CADPS2: variants seen among roughly 807,000 people sequenced by gnomAD.
CADPS2 encodes the protein calcium dependent secretion activator 2.
Under a neutral mutation model 172.5 loss-of-function variants are expected in CADPS2, and 93 were observed. The ratio of observed to expected loss-of-function variants is 0.54; its 90% CI spans 0.46 to 0.64. CADPS2 has a LOEUF of 0.64. Ranked by LOEUF, CADPS2 falls within the 30% of genes least tolerant of loss-of-function variation. The pLI is 0.00. For missense variants in CADPS2, 1,420 were observed against 1,565.9 expected, an observed-to-expected ratio of 0.91 and a Z score of 1.57; for synonymous variants, 546 against 555.2, an observed-to-expected ratio of 0.98 and a Z score of 0.23.
At chr7:122,619,887 G>A (rs1045709307) in intron 5 of CADPS2, among the ~76,000 whole-genome samples, 8 of 152,100 alleles carry the variant, frequency 5.3e-5, no homozygotes, top group Admixed American at 2.0e-4. Context: ...AAAGTCATTA[G>A]GTAAGCCCAG....
At chr7:122,626,167 T>C (rs1027508473) in intron 4 of CADPS2, among the ~76,000 whole-genome samples, 8 of 147,724 alleles carry the variant, frequency 5.4e-5, no homozygotes, top group Non-Finnish European at 1.2e-4. Context: ...TTGCAGGCCA[T>C]TTTAGGAACT....
At chr7:122,629,190 C>G in intron 4 of CADPS2, 58 bp downstream of exon 4, 1 of 1,359,884 alleles carries the variant, frequency 7.4e-7, no homozygotes, top group Non-Finnish European at 1.0e-6. Flanking sequence ...TTTTTCAGCT[C>G]ACAGAAATCT....
At chr7:122,535,611 T>G (rs1419177851) in intron 8 of CADPS2, among the ~76,000 whole-genome samples, 1 of 152,122 alleles carries the variant, frequency 6.6e-6, no homozygotes, top group Non-Finnish European at 1.5e-5. Flanking sequence ...AGAATTATCC[T>G]ATTGATATTG....
intron 1 of CADPS2, among the ~76,000 whole-genome samples, chr7:122,823,282 A>G (rs1475278981): frequency 6.6e-6 from 1 of 152,100 alleles, no homozygotes; most frequent in Non-Finnish European, 1.5e-5. Context: ...TTTTAGGGGG[A>G]AAAAATCTTC....
intron 1 of CADPS2, among the ~76,000 whole-genome samples, chr7:122,830,065 A>G (rs567338330): frequency 6.6e-6 from 1 of 152,024 alleles, no homozygotes; most frequent in African/African-American, 2.4e-5. Context: ...CACTGTTTCA[A>G]GGAGAGAAAA....
At chr7:122,589,276 G>A (rs1489794274) in intron 6 of CADPS2, among the ~76,000 whole-genome samples, 2 of 151,746 alleles carry the variant, frequency 1.3e-5, no homozygotes, top group Admixed American at 1.3e-4. Flanking sequence ...AACAACCTCT[G>A]AAAATTGGGA....
intron 11 of CADPS2, among the ~76,000 whole-genome samples, chr7:122,486,192 A>G (rs2057796522): frequency 1.3e-5 from 2 of 152,172 alleles, no homozygotes; most frequent in Admixed American, 6.5e-5. Context: ...AAGTCTTATT[A>G]TTTAAGAAAT....
intron 2 of CADPS2, among the ~76,000 whole-genome samples, chr7:122,709,573 C>A (rs1285583320): frequency 6.6e-6 from 1 of 151,024 alleles, no homozygotes. Flanking sequence ...ACCCAAAGGA[C>A]TATAAATCAT....
chr7:122,399,274 G>GTA (rs1428500127), intron 20 of CADPS2, among the ~76,000 whole-genome samples: 1 of 152,078 alleles, frequency 6.6e-6, no homozygotes, highest in African/African-American at 2.4e-5. Flanking sequence ...AGTTATTTGT[G>GTA]TATATATGTG....
chr7:122,722,515 A>G (rs2090553533), intron 2 of CADPS2, among the ~76,000 whole-genome samples: 1 of 151,864 alleles, frequency 6.6e-6, no homozygotes, highest in Non-Finnish European at 1.5e-5. Context: ...AAGGAGAACT[A>G]CAAACCGCTG....
In CADPS2 at chr7:122,859,434, T is replaced by C. The variant is rs75141015; in HGVS notation, c.339+26565A>G. On this transcript the variant is annotated intron_variant, in intron 1 of 29. Transcript: ENST00000449022. ...AAATCGCTTTCTCCAGTCAATTGTG[T>C]ATTTCATCATATCAAGGTCATTTTA... is the stretch of plus-strand genomic sequence containing the variant. Among the ~76,000 whole-genome samples, 87 of 152,338 alleles carry C rather than the reference T, an allele frequency of 5.7e-4. No individual in the cohort carries two copies. In the East Asian group the frequency reaches 0.016, roughly 29 times the overall value.
At chr7:122,658,138 A>G (rs1238217828) in intron 3 of CADPS2, among the ~76,000 whole-genome samples, 1 of 152,230 alleles carries the variant, frequency 6.6e-6, no homozygotes, top group Non-Finnish European at 1.5e-5. Context: ...CATATGAAAA[A>G]ATGCTCATCA....
At chr7:122,400,774 T>C (rs1487385213) in intron 20 of CADPS2, among the ~76,000 whole-genome samples, 3 of 152,236 alleles carry the variant, frequency 2.0e-5, no homozygotes, top group Admixed American at 6.5e-5. Context: ...TATCCAGATA[T>C]ATCTATAAAC....
At chr7:122,541,877 T>G (rs942375168) in intron 8 of CADPS2, among the ~76,000 whole-genome samples, 2 of 131,888 alleles carry the variant, frequency 1.5e-5, no homozygotes, top group African/African-American at 5.3e-5. Context: ...GCATATATAT[T>G]TATATATATT....
chr7:122,609,214 G>A (rs906661868), intron 6 of CADPS2, among the ~76,000 whole-genome samples: 1 of 152,066 alleles, frequency 6.6e-6, no homozygotes, highest in African/African-American at 2.4e-5. Flanking sequence ...TAAAAGACTA[G>A]TACATATAAG....
At chr7:122,559,587 T>C (rs1425402379) in intron 7 of CADPS2, among the ~76,000 whole-genome samples, 4 of 151,806 alleles carry the variant, frequency 2.6e-5, no homozygotes, top group African/African-American at 9.7e-5. Flanking sequence ...CTGACCAACA[T>C]AGTGAAACCT....
intron 17 of CADPS2, among the ~76,000 whole-genome samples, chr7:122,437,879 A>G (rs1178488146): frequency 6.6e-6 from 1 of 152,058 alleles, no homozygotes; most frequent in Non-Finnish European, 1.5e-5. Context: ...GCAAGCAATT[A>G]AAAACCGAAG....
At chr7:122,527,615 AGAGTGTGTGTGTGT>A (rs2061362572) in intron 8 of CADPS2, among the ~76,000 whole-genome samples, 5 of 94,242 alleles carry the variant, frequency 5.3e-5, no homozygotes, top group African/African-American at 1.5e-4. Context: ...AGAGAGAGAG[AGAGTGTGTGTGTGT>A]GTGTGTGTGT....
intron 6 of CADPS2, among the ~76,000 whole-genome samples, chr7:122,601,082 C>T (rs975782396): frequency 1.3e-5 from 2 of 151,962 alleles, no homozygotes; most frequent in African/African-American, 2.4e-5. Flanking sequence ...AATATTGTAT[C>T]ACTTTTTTTT....
Sources: allele counts gnomAD v4.1 joint callset (sites outside exome capture counted in the v4.1 genomes callset), GRCh38; gene constraint gnomAD v4.1.1; transcripts MANE v1.5; gene names NCBI Gene and HGNC (gene_info 2026-07-23, HGNC 2026-07-21).